The following ERICH3 variants were observed in gnomAD, a reference collection of about 807,000 sequenced individuals.
ERICH3 encodes glutamate rich 3.
In ERICH3, 126 loss-of-function variants were observed where a neutral mutation model predicts 131.1. That is an observed-to-expected ratio of 0.96 (90% CI 0.83 to 1.11). The LOEUF (loss-of-function observed/expected upper bound fraction) is 1.11. Ranked by LOEUF, ERICH3 falls within the 50% of genes most tolerant of loss-of-function variation. The pLI is 0.00. For synonymous variants in ERICH3, 695 were observed against 644.6 expected (o/e 1.08, Z -1.18); for missense variants, 2,050 against 1,810.7 (o/e 1.13, Z -2.40).
intron 1 of ERICH3, among the ~76,000 whole-genome samples, chr1:74,667,958 G>A (rs978589653): frequency 6.6e-6 from 1 of 152,108 alleles, no homozygotes; most frequent in Non-Finnish European, 1.5e-5. Context: ...GAGATCTGAT[G>A]GTTTAAAAGT....
intron 12 of ERICH3, chr1:74,577,256 A>AC (rs201560565): frequency 3.4e-5 from 7 of 203,150 alleles, no homozygotes; most frequent in African/African-American, 1.4e-4. Context: ...AAAAAAAAAA[A>AC]GTGGCAGAAG....
rs141386237 is a variant in ERICH3, at chr1:74,582,706, C to A, written c.2177-5770G>T. On this transcript the variant is annotated intron_variant, in intron 12 of 14. Coordinates refer to ENST00000326665, the MANE Select transcript of ERICH3 (RefSeq NM_001002912.5). ...GTAAAAGTTGATACTTTAATATCTA[C>A]TAGTCAAGATGCAAATTGAAATATT... is the stretch of plus-strand genomic sequence containing the variant. 1.4e-3 allele frequency among the ~76,000 whole-genome samples: 219 copies of A among 152,146 alleles called. 2 individuals carry two copies. Among genetic ancestry groups the A allele is most frequent in the Admixed American group, 8.7e-3 (133 of 15,268 alleles).
chr1:74,595,552 CTG>C (rs998725140), intron 11 of ERICH3, among the ~76,000 whole-genome samples: 3 of 151,974 alleles, frequency 2.0e-5, no homozygotes, highest in South Asian at 2.1e-4. Flanking sequence ...TTAAAATAAA[CTG>C]TTAAAATATT....
At chr1:74,590,545 C>T (rs938257858) in intron 11 of ERICH3, among the ~76,000 whole-genome samples, 2 of 152,152 alleles carry the variant, frequency 1.3e-5, no homozygotes, top group African/African-American at 4.8e-5. Flanking sequence ...ATGTGCAGCT[C>T]ACAATAGGGT....
chr1:74,655,201 A>G (rs1388956229), intron 1 of ERICH3, among the ~76,000 whole-genome samples: 2 of 152,204 alleles, frequency 1.3e-5, no homozygotes, highest in African/African-American at 4.8e-5. Flanking sequence ...TGGTTCAACC[A>G]GGTTAGTTTT....
intron 2 of ERICH3, among the ~76,000 whole-genome samples, chr1:74,647,762 G>A (rs796632324): frequency 3.4e-4 from 51 of 152,218 alleles, no homozygotes; most frequent in African/African-American, 1.2e-3. Context: ...TAACACTACT[G>A]TTGCAACACA....
At chr1:74,633,071 T>A (rs1412991568) in intron 6 of ERICH3, among the ~76,000 whole-genome samples, 1 of 151,872 alleles carries the variant, frequency 6.6e-6, no homozygotes, top group Non-Finnish European at 1.5e-5. Context: ...ATTGTACTTA[T>A]GTTTATTTTT....
chr1:74,673,854 TAGGG>T, upstream of ERICH3: 1 of 273,302 alleles, frequency 3.7e-6, no homozygotes, highest in Non-Finnish European at 6.7e-6. Flanking sequence ...TGGGCCCTGA[TAGGG>T]AGGAGACCCA....
Position 74,572,374 on chromosome 1 carries a change from C to T in ERICH3, c.3336G>A (p.Glu1112=), listed in dbSNP as rs1176198127. The T allele has an allele frequency of 6.2e-7, 1 of 1,613,642 alleles. No individual in the cohort carries two copies. The highest frequency in any genetic ancestry group is 1.3e-5 in the African/African-American group (1 of 74,864). Residue 1112 remains glutamate (E), a synonymous_variant, in exon 14 of 15, where the codon GAG becomes GAA. Transcript: ENST00000326665. ...CATTTGGGGGAGCTTTTGTCTCTTC[C>T]TCAGCTCTTACTTCTGTCTCTGTTT... is the stretch of plus-strand genomic sequence containing the variant. ...EGETETEVRA[E]EETKAPPNEM...
chr1:74,656,360 C>T (rs1646583660), intron 1 of ERICH3, among the ~76,000 whole-genome samples: 2 of 152,140 alleles, frequency 1.3e-5, no homozygotes, highest in Non-Finnish European at 1.5e-5. Flanking sequence ...CAACTGGCCC[C>T]ATCACAAGAT....
chr1:74,618,260 AAGTCAGT>A (rs1241637450), intron 8 of ERICH3, among the ~76,000 whole-genome samples: 6 of 152,228 alleles, frequency 3.9e-5, no homozygotes, highest in Non-Finnish European at 4.4e-5. Flanking sequence ...AACAGAGTAG[AAGTCAGT>A]GAGAAAGCTG....
intron 9 of ERICH3, among the ~76,000 whole-genome samples, chr1:74,608,595 A>T (rs955139584): frequency 5.9e-5 from 9 of 152,120 alleles, no homozygotes; most frequent in African/African-American, 2.2e-4. Flanking sequence ...ACAAGCAAAT[A>T]TGAGAACTGA....
rs976130921 is a variant in ERICH3 at position 74,573,024 on chromosome 1, C to T, written c.2686G>A (p.Glu896Lys). The T allele has an allele frequency of 1.2e-6, 2 of 1,614,148 alleles. No individual in the cohort carries two copies. Among genetic ancestry groups the T allele is most frequent in the Middle Eastern group, 1.6e-4 (1 of 6,062 alleles). ...LETDKAASEG[E>K]QGLEKAVLAN... ...AGCACTGCCTTCTCTAAACCCTGTT[C>T]CCCTTCAGAAGCTGCTTTGTCTGTC... is the stretch of plus-strand genomic sequence containing the variant. The change falls in exon 14 of 15, where the codon GAA becomes AAA. Residue 896 changes from glutamate (E) to lysine (K), a missense_variant. Coordinates refer to ENST00000326665, the MANE Select transcript of ERICH3 (RefSeq NM_001002912.5).
intron 8 of ERICH3, among the ~76,000 whole-genome samples, chr1:74,614,367 T>TAAA (rs58516429): frequency 7.1e-4 from 82 of 114,930 alleles, no homozygotes; most frequent in Middle Eastern, 4.8e-3. Context: ...ATTTTTTCCC[T>TAAA]AAAAAAAAAA....
chr1:74,662,179 C>G (rs1326463734), intron 1 of ERICH3, among the ~76,000 whole-genome samples: 1 of 152,096 alleles, frequency 6.6e-6, no homozygotes, highest in Non-Finnish European at 1.5e-5. Flanking sequence ...ATCAGACTTT[C>G]CATTAATTTT....
At chr1:74,627,905 G>A (rs609073) in intron 7 of ERICH3, among the ~76,000 whole-genome samples, 104,672 of 151,990 alleles carry the variant, frequency 0.69, 36,917 homozygotes, top group African/African-American at 0.84. Flanking sequence ...ACACAAATCT[G>A]TTATAAAAAG....
chr1:74,585,200 C>T (rs1379626717), intron 12 of ERICH3, among the ~76,000 whole-genome samples: 1 of 152,116 alleles, frequency 6.6e-6, no homozygotes. Flanking sequence ...GATTGTGTCA[C>T]AATGCATGAC....
chr1:74,654,585 C>T (rs1392081081), intron 1 of ERICH3, among the ~76,000 whole-genome samples: 1 of 152,090 alleles, frequency 6.6e-6, no homozygotes, highest in Non-Finnish European at 1.5e-5. Flanking sequence ...ATCGTGTCCT[C>T]ATATGGGAGA....
intron 1 of ERICH3, among the ~76,000 whole-genome samples, chr1:74,656,387 T>C (rs1646583867): frequency 6.6e-6 from 1 of 152,136 alleles, no homozygotes. Flanking sequence ...AGGCCCTCCC[T>C]TGTGGGAATT....
Sources: gnomAD v4.1 joint callset for allele counts (sites outside exome capture counted in the v4.1 genomes callset) on GRCh38, gnomAD v4.1.1 for gene constraint, MANE v1.5 for transcripts, NCBI Gene and HGNC (gene_info 2026-07-23, HGNC 2026-07-21) for gene names.